Variants in MTMR10 observed in about 807,000 individuals in gnomAD.
MTMR10 encodes myotubularin related protein 10.
In MTMR10, 56 loss-of-function variants were observed where a neutral mutation model predicts 88.1. That is an observed-to-expected ratio of 0.64 (90% CI 0.51 to 0.79). The LOEUF (loss-of-function observed/expected upper bound fraction) is 0.79. Ranked by LOEUF, MTMR10 falls within the 30% of genes least tolerant of loss-of-function variation. The pLI, the probability that MTMR10 is intolerant of heterozygous loss-of-function variation, is 0.00. For missense variants in MTMR10, 883 were observed against 924.7 expected, an observed-to-expected ratio of 0.95 and a Z score of 0.58; for synonymous variants, 380 against 340.9, an observed-to-expected ratio of 1.11 and a Z score of -1.26.
intron 2 of MTMR10, among the ~76,000 whole-genome samples, chr15:30,987,899 G>C (rs1378532421): frequency 2.0e-5 from 3 of 149,678 alleles, no homozygotes; most frequent in Non-Finnish European, 4.4e-5. Flanking sequence ...AGGCCCCGGT[G>C]TGTGATGTTC....
At chr15:30,922,819 C>A in the MTMR10 span, among the ~76,000 whole-genome samples, 1 of 152,224 alleles carries the variant, frequency 6.6e-6, no homozygotes, top group Non-Finnish European at 1.5e-5. Context: ...CTCTGTACTT[C>A]TGTGAGGTGT....
At chr15:30,979,345 C>T (rs1330803376) in intron 2 of MTMR10, among the ~76,000 whole-genome samples, 1 of 151,856 alleles carries the variant, frequency 6.6e-6, no homozygotes, top group African/African-American at 2.4e-5. Flanking sequence ...GGTGGATCAC[C>T]TGAAGTCAGT....
intron 6 of MTMR10, among the ~76,000 whole-genome samples, chr15:30,964,139 T>G (rs1423992523): frequency 6.6e-6 from 1 of 152,238 alleles, no homozygotes; most frequent in Non-Finnish European, 1.5e-5. Flanking sequence ...AAATTATGCC[T>G]GCTAATATTA....
intron 10 of MTMR10, 120 bp downstream of exon 10, chr15:30,954,643 A>G (rs926638846): frequency 4.0e-5 from 41 of 1,012,662 alleles, no homozygotes; most frequent in Non-Finnish European, 5.2e-5. Context: ...TTGTACAAAT[A>G]GTTCCATAGA....
chr15:30,981,175 T>C (rs1173697556), intron 2 of MTMR10, among the ~76,000 whole-genome samples: 5 of 152,366 alleles, frequency 3.3e-5, no homozygotes, highest in African/African-American at 9.6e-5. Context: ...CCCAAAAGTA[T>C]TGACTAATTA....
chr15:30,928,939 G>T, the MTMR10 span: 1 of 362,256 alleles, frequency 2.8e-6, no homozygotes, highest in Non-Finnish European at 3.8e-6. Flanking sequence ...CGTGTCGCAG[G>T]CACTGTGCCA....
chr15:30,920,569 C>T, the MTMR10 span: 10 of 1,611,446 alleles, frequency 6.2e-6, no homozygotes, highest in Non-Finnish European at 8.5e-6. Context: ...TACCACTCTT[C>T]CTGCGGTGTT....
In MTMR10 at chr15:30,948,370, T is replaced by C; in HGVS notation, c.1309A>G (p.Lys437Glu). ...TGATATCCTGCCATGACCCACTCCTTCTGTATCAGACTCTGAAATCCAGTA... is the reference window on the plus strand; with the variant it reads ...TGATATCCTGCCATGACCCACTCCTCCTGTATCAGACTCTGAAATCCAGTA... ...TITGFQSLIQ[K>E]EWVMAGYQFL... Residue 437 changes from lysine to glutamate, a missense_variant, in exon 13 of 16, where the codon AAG becomes GAG. By Grantham distance (56) the Lys-to-Glu change is moderately conservative. This residue lies in a region of MTMR10 where 126 missense variants were observed against 178.2 expected (regional missense o/e 0.71). Transcript: ENST00000435680. 6.2e-7 allele frequency: 1 copy of C among 1,613,836 alleles called. No individual in the cohort carries two copies. The highest frequency in any genetic ancestry group is 8.5e-7 in the Non-Finnish European group (1 of 1,179,822).
chr15:30,937,299 A>C (rs1164720131), downstream of MTMR10: 1 of 1,563,320 alleles, frequency 6.4e-7, no homozygotes, highest in Non-Finnish European at 8.7e-7. Flanking sequence ...TTAATGTAAG[A>C]TTTTCAAGAG....
intron 2 of MTMR10, among the ~76,000 whole-genome samples, chr15:30,982,879 C>T (rs545540761): frequency 1.3e-5 from 2 of 152,296 alleles, no homozygotes; most frequent in South Asian, 4.1e-4. Context: ...CACTGAAACA[C>T]TGTGGGCCAG....
At chr15:30,977,472 C>T (rs934121906) in intron 2 of MTMR10, among the ~76,000 whole-genome samples, 4 of 151,862 alleles carry the variant, frequency 2.6e-5, no homozygotes, top group African/African-American at 9.7e-5. Context: ...ACTTAGTAGG[C>T]AACAAAACCT....
At chr15:30,979,408 A>G (rs1235452903) in intron 2 of MTMR10, among the ~76,000 whole-genome samples, 2 of 151,828 alleles carry the variant, frequency 1.3e-5, no homozygotes, top group Non-Finnish European at 2.9e-5. Flanking sequence ...AAAAAAAAAA[A>G]AATTTAGCCA....
intron 1 of MTMR10, 161 bp downstream of exon 1, chr15:30,991,286 C>T (rs745600353): frequency 6.0e-6 from 4 of 664,022 alleles, no homozygotes; most frequent in Non-Finnish European, 4.6e-6. Flanking sequence ...TGGGGGCTCC[C>T]GAGAAGGCGC....
chr15:30,968,417 A>G (rs183665081), intron 5 of MTMR10, among the ~76,000 whole-genome samples: 7 of 152,152 alleles, frequency 4.6e-5, no homozygotes, highest in Non-Finnish European at 8.8e-5. Context: ...ATGAAACTTT[A>G]AAGTTTACGC....
At position 30,991,628 on chromosome 15, in the gene MTMR10, T is replaced by A; in HGVS notation, c.-122A>T. On this transcript the variant is annotated 5_prime_UTR_variant, in exon 1 of 16. Coordinates refer to ENST00000435680, the MANE Select transcript of MTMR10 (RefSeq NM_017762.3). Reference sequence around the variant, plus strand: ...CTGCGGCCAGCCGAGCCGGGCGGACTGACGGGCGGGGATACGGCGCAGCGC... The same window carrying A: ...CTGCGGCCAGCCGAGCCGGGCGGACAGACGGGCGGGGATACGGCGCAGCGC... 1 of 1,242,222 alleles carries A rather than the reference T, an allele frequency of 8.1e-7. No individual in the cohort carries two copies. The highest frequency in any genetic ancestry group is 1.6e-5 in the African/African-American group (1 of 62,542). 76.9% of individuals were successfully genotyped at this position (1,242,222 alleles called of 1,614,324 possible). A position where few individuals can be genotyped will look rare whatever the true frequency, so the allele number is the denominator to read the frequency against.
chr15:30,929,202 G>C, the MTMR10 span: 1 of 1,610,766 alleles, frequency 6.2e-7, no homozygotes, highest in Non-Finnish European at 8.5e-7. Flanking sequence ...CTGTGACACA[G>C]GCATTCCCCC....
At chr15:30,970,919 G>T (rs1365498455) in intron 5 of MTMR10, among the ~76,000 whole-genome samples, 1 of 152,030 alleles carries the variant, frequency 6.6e-6, no homozygotes, top group Non-Finnish European at 1.5e-5. Flanking sequence ...GGCAGAACTC[G>T]AACTAAATAC....
chr15:30,929,958 CAT>C, the MTMR10 span, among the ~76,000 whole-genome samples: 28 of 100,740 alleles, frequency 2.8e-4, 2 homozygotes, highest in African/African-American at 1.0e-3. Flanking sequence ...TAATATATAT[CAT>C]ATAATATATA....
chr15:30,925,748 C>A, the MTMR10 span: 1 of 1,608,546 alleles, frequency 6.2e-7, no homozygotes, highest in South Asian at 1.1e-5. Flanking sequence ...GGGACTTTTG[C>A]TGACCTGAGG....
Sources: allele counts gnomAD v4.1 joint callset (sites outside exome capture counted in the v4.1 genomes callset), GRCh38; gene constraint gnomAD v4.1.1; regional missense constraint gnomAD v4.1.1; transcripts MANE v1.5; gene names NCBI Gene and HGNC (gene_info 2026-07-23, HGNC 2026-07-21).